The following MAML3 variants were observed in gnomAD, a reference collection of about 807,000 sequenced individuals.
The protein encoded by MAML3 is mastermind like transcriptional coactivator 3, also known as mastermind-like protein 3.
A neutral mutation model predicts 101.9 loss-of-function variants in MAML3; 27 were observed. The observed-to-expected ratio is 0.27, with a 90% CI of 0.20 to 0.37. MAML3 has a LOEUF of 0.37. Ranked by LOEUF, MAML3 falls within the 10% of genes least tolerant of loss-of-function variation. MAML3 has a pLI of 1.00. For missense variants in MAML3, 1,316 were observed against 1,444.9 expected, an observed-to-expected ratio of 0.91 and a Z score of 1.45; for synonymous variants, 501 against 555.9, an observed-to-expected ratio of 0.90 and a Z score of 1.39.
chr4:140,137,133 C>T (rs1390354551), intron 1 of MAML3, among the ~76,000 whole-genome samples: 2 of 152,170 alleles, frequency 1.3e-5, no homozygotes, highest in Admixed American at 6.5e-5. Context: ...GGATTACAGG[C>T]GCCCGCCACC....
At chr4:139,740,434 G>C (rs998925002) in intron 2 of MAML3, 9 of 152,100 alleles carry the variant, frequency 5.9e-5, no homozygotes, top group African/African-American at 2.2e-4. Context: ...TTTGTCAGCT[G>C]CTCCATTAGG....
At chr4:139,792,764 A>C (rs1467321605) in intron 2 of MAML3, among the ~76,000 whole-genome samples, 1 of 142,092 alleles carries the variant, frequency 7.0e-6, no homozygotes, top group Non-Finnish European at 1.5e-5. Context: ...TTTTTTTTTG[A>C]GACGGAGTCT....
intron 1 of MAML3, among the ~76,000 whole-genome samples, chr4:140,015,885 G>A (rs373378471): frequency 3.3e-5 from 5 of 152,262 alleles, no homozygotes; most frequent in East Asian, 1.9e-4. Flanking sequence ...CCCAAGAGGC[G>A]GCAGTTGTAG....
At chr4:140,146,119 G>A (rs551445713) in intron 1 of MAML3, among the ~76,000 whole-genome samples, 4 of 151,120 alleles carry the variant, frequency 2.6e-5, no homozygotes, top group Non-Finnish European at 3.0e-5. Context: ...CTGATCTACC[G>A]GTCTCGGCCT....
At chr4:139,859,232 T>G (rs1357125574) in intron 2 of MAML3, among the ~76,000 whole-genome samples, 1 of 151,742 alleles carries the variant, frequency 6.6e-6, no homozygotes, top group African/African-American at 2.4e-5. Context: ...ACTACATTTT[T>G]TTTTTTTTTT....
At chr4:139,952,113 C>T (rs889037946) in intron 1 of MAML3, among the ~76,000 whole-genome samples, 9 of 152,028 alleles carry the variant, frequency 5.9e-5, no homozygotes, top group East Asian at 1.9e-4. Flanking sequence ...TGCAGTGAGC[C>T]GAGATCGTGC....
At position 139,736,423 on chromosome 4, in the gene MAML3, G is replaced by A. The variant is rs1045574568; in HGVS notation, c.2080-5756C>T. ...ACAGGATGAATCGAACACCCACGATGGCTAGACAGAGGCGCCTGGCTGTGA... is the reference window on the plus strand; with the variant it reads ...ACAGGATGAATCGAACACCCACGATAGCTAGACAGAGGCGCCTGGCTGTGA... On this transcript the variant is annotated intron_variant, in intron 2 of 4. Transcript: ENST00000509479. 3.9e-5 allele frequency among the ~76,000 whole-genome samples: 6 copies of A among 152,266 alleles called. No homozygotes were observed. The East Asian group carries it at 1.2e-3, about 29-fold the overall frequency.
At chr4:139,959,974 T>G (rs1560849504) in intron 1 of MAML3, among the ~76,000 whole-genome samples, 1 of 152,152 alleles carries the variant, frequency 6.6e-6, no homozygotes, top group Non-Finnish European at 1.5e-5. Flanking sequence ...TGGCATGTCA[T>G]AGACACAGAC....
intron 1 of MAML3, among the ~76,000 whole-genome samples, chr4:139,891,894 C>T (rs1199942232): frequency 6.6e-6 from 1 of 152,206 alleles, no homozygotes; most frequent in African/African-American, 2.4e-5. Flanking sequence ...TCTCAATTTC[C>T]TCCTTTCTCC....
At chr4:139,759,214 A>T (rs1024251672) in intron 2 of MAML3, among the ~76,000 whole-genome samples, 1 of 152,244 alleles carries the variant, frequency 6.6e-6, no homozygotes, top group African/African-American at 2.4e-5. Flanking sequence ...AGCAGTTATG[A>T]CAGAAAGAGA....
chr4:139,820,666 T>C (rs1301277881), intron 2 of MAML3, among the ~76,000 whole-genome samples: 1 of 152,230 alleles, frequency 6.6e-6, no homozygotes, highest in East Asian at 1.9e-4. Flanking sequence ...CTTTTTCACT[T>C]ATTACAGCGT....
At chr4:139,810,813 A>C (rs1257204640) in intron 2 of MAML3, among the ~76,000 whole-genome samples, 2 of 152,206 alleles carry the variant, frequency 1.3e-5, no homozygotes, top group Non-Finnish European at 2.9e-5. Flanking sequence ...CCTTCTCTTC[A>C]GTAGAATCCT....
chr4:140,150,035 G>C (rs1031058546), intron 1 of MAML3, among the ~76,000 whole-genome samples: 13 of 146,908 alleles, frequency 8.8e-5, no homozygotes, highest in African/African-American at 2.5e-4. Context: ...ACACATACCA[G>C]TGAGAGATGC....
chr4:139,820,991 C>G (rs1003275064), intron 2 of MAML3, among the ~76,000 whole-genome samples: 1 of 152,242 alleles, frequency 6.6e-6, no homozygotes, highest in African/African-American at 2.4e-5. Flanking sequence ...TTCATGTGTT[C>G]CATAGTAATT....
At position 139,719,468 on chromosome 4, in the gene MAML3, T is replaced by A. The variant is rs1288040002; in HGVS notation, c.3272A>T (p.Asp1091Val). Reference protein sequence around the residue: ...SQAYERNAPQDVSYNYSGDGA... With the variant: ...SQAYERNAPQVVSYNYSGDGA... ...GTCGCCACTGTAATTGTATGACACG[T>A]CCTGAGGGGCATTCCGCTCATAGGC... The change falls in exon 5 of 5, where the codon GAC becomes GTC. Residue 1091 changes from aspartate to valine, a missense_variant. Asp to Val is a radical substitution (Grantham distance 152, BLOSUM62 -3). Transcript: ENST00000509479. 1.2e-6 allele frequency: 2 copies of A among 1,613,968 alleles called. No individual in the cohort carries two copies. The highest frequency in any genetic ancestry group is 1.6e-4 in the Middle Eastern group (1 of 6,062).
intron 2 of MAML3, chr4:139,794,302 T>C (rs1216162494): frequency 6.6e-6 from 1 of 152,194 alleles, no homozygotes; most frequent in Non-Finnish European, 1.5e-5. Context: ...CTTCTCTCTA[T>C]ACAGCCCCAG....
At chr4:139,966,579 A>C (rs796240518) in intron 1 of MAML3, among the ~76,000 whole-genome samples, 49 of 152,334 alleles carry the variant, frequency 3.2e-4, no homozygotes, top group African/African-American at 1.2e-3. Flanking sequence ...TGAATCTCTT[A>C]GCCACAGAAA....
At chr4:139,780,931 T>C (rs550204462) in intron 2 of MAML3, among the ~76,000 whole-genome samples, 17 of 152,118 alleles carry the variant, frequency 1.1e-4, no homozygotes, top group African/African-American at 3.9e-4. Context: ...ACCTGACAAG[T>C]GTTGCATAGT....
At chr4:139,906,820 T>G (rs1247945530) in intron 1 of MAML3, among the ~76,000 whole-genome samples, 2 of 152,328 alleles carry the variant, frequency 1.3e-5, no homozygotes. Context: ...TGGTTATAGC[T>G]CTCTAAAACT....
Sources: allele counts gnomAD v4.1 joint callset (sites outside exome capture counted in the v4.1 genomes callset), GRCh38; gene constraint gnomAD v4.1.1; transcripts MANE v1.5; gene names NCBI Gene and HGNC (gene_info 2026-07-23, HGNC 2026-07-21).